RUVBL1: variants seen among roughly 807,000 people sequenced by gnomAD.
RUVBL1 encodes ruvB-like 1.
A neutral mutation model predicts 52.4 loss-of-function variants in RUVBL1; 4 were observed. The ratio of observed to expected loss-of-function variants is 0.08; its 90% CI spans 0.04 to 0.17. The LOEUF (loss-of-function observed/expected upper bound fraction) is 0.17, where lower values mean the gene tolerates loss of function less well. Among genes scored for constraint, RUVBL1 ranks in the 10% least tolerant of loss-of-function variants. The pLI, the probability that RUVBL1 is intolerant of heterozygous loss-of-function variation, is 1.00. For missense variants in RUVBL1, 298 were observed against 572.8 expected (o/e 0.52, Z 4.90); for synonymous variants, 217 against 214.4 (o/e 1.01, Z -0.10).
At chr3:128,104,367 C>G (rs911978282) in intron 4 of RUVBL1, among the ~76,000 whole-genome samples, 1 of 152,200 alleles carries the variant, frequency 6.6e-6, no homozygotes, top group Non-Finnish European at 1.5e-5. Flanking sequence ...TTATACAACT[C>G]TTATTTGATT....
At chr3:128,065,190 C>A in exon 10 of RUVBL1, 1 of 878,814 alleles carries the variant, frequency 1.1e-6, no homozygotes, top group Non-Finnish European at 1.9e-6. Context: ...TCCAGATGAG[C>A]TGGACAAGCA....
chr3:128,100,165 C>A (rs1459963516), intron 6 of RUVBL1, among the ~76,000 whole-genome samples: 1 of 152,238 alleles, frequency 6.6e-6, no homozygotes, highest in Non-Finnish European at 1.5e-5. Context: ...GAGAAGCAGA[C>A]AACAGTACCA....
chr3:128,087,802 A>C lies in RUVBL1; in HGVS notation c.1023T>G (p.Thr341=). 1 of 1,602,536 alleles carries C rather than the reference A, an allele frequency of 6.2e-7. No individual in the cohort carries two copies. The part of the protein sequence containing the change: ...SNRGNCVIRG[T]EDITSPHGIP... ...TGCCGTGAGGGGATGTGATGTCCTC[A>C]GTGCCTCTGTAAGGGGCAAAATTAA... Residue 341 remains threonine (T), a synonymous_variant, in exon 9 of 11, where the codon ACT becomes ACG. Coordinates refer to ENST00000322623, the MANE Select transcript of RUVBL1 (RefSeq NM_003707.3).
upstream of RUVBL1, among the ~76,000 whole-genome samples, chr3:128,125,079 A>G (rs1274317399): frequency 7.7e-6 from 1 of 129,292 alleles, no homozygotes; most frequent in Non-Finnish European, 1.6e-5. Context: ...CAGTGGCGCA[A>G]TCTCGGCTCA....
Position 128,066,992 on chromosome 3 carries a change from C to T in RUVBL1, c.940-1772G>A, listed in dbSNP as rs1303473497. 4 of 1,614,088 alleles carry T rather than the reference C, an allele frequency of 2.5e-6. No individual in the cohort carries two copies. Among genetic ancestry groups the T allele is most frequent in the Admixed American group, 3.3e-5 (2 of 60,006 alleles). On this transcript the variant is annotated intron_variant, in intron 9 of 9. Transcript: ENST00000464873. ...ACCTGCCAATCAAGTCGGCCCGCTA[C>T]CGTGGCCAGTACAACACCTATCCCA... is the stretch of plus-strand genomic sequence containing the variant.
At position 128,153,814 on chromosome 3, in the gene RUVBL1, A is replaced by G. The variant is rs1201012935; in HGVS notation, c.-651T>C. 4 of 1,512,450 alleles carry G rather than the reference A, an allele frequency of 2.6e-6. No individual in the cohort carries two copies. The South Asian group carries it at 4.9e-5, about 18-fold the overall frequency. 93.7% of individuals were successfully genotyped at this position (1,512,450 alleles called of 1,614,324 possible). ...CGGGCACGCCTCCCTCATCCGGACCATCATCGGCGGTGAGCGCGGGCCGGG... is the reference window on the plus strand; with the variant it reads ...CGGGCACGCCTCCCTCATCCGGACCGTCATCGGCGGTGAGCGCGGGCCGGG... On this transcript the variant is annotated 5_prime_UTR_variant, in exon 1 of 10. Coordinates refer to the RUVBL1 transcript ENST00000464873.
intron 3 of RUVBL1, among the ~76,000 whole-genome samples, chr3:128,107,795 C>A (rs1943280792): frequency 6.6e-6 from 1 of 152,192 alleles, no homozygotes; most frequent in African/African-American, 2.4e-5. Context: ...CTGGGAAAAT[C>A]CTGTACTTTT....
At chr3:128,152,575 G>A (rs1944237720) in intron 1 of RUVBL1, among the ~76,000 whole-genome samples, 1 of 152,128 alleles carries the variant, frequency 6.6e-6, no homozygotes, top group Non-Finnish European at 1.5e-5. Context: ...CCCCCTGAAT[G>A]TAATATTAGC....
At chr3:128,106,750 G>T (rs1479244437) in intron 3 of RUVBL1, among the ~76,000 whole-genome samples, 1 of 152,156 alleles carries the variant, frequency 6.6e-6, no homozygotes, top group Non-Finnish European at 1.5e-5. Flanking sequence ...TATGGTAATG[G>T]CCTGAGAACT....
intron 8 of RUVBL1, among the ~76,000 whole-genome samples, chr3:128,088,727 C>A (rs912018969): frequency 6.6e-6 from 1 of 151,770 alleles, no homozygotes; most frequent in Non-Finnish European, 1.5e-5. Context: ...CTCAGCCTCC[C>A]GAGTAGCTTG....
At chr3:128,086,452 G>A (rs960885789) in intron 9 of RUVBL1, among the ~76,000 whole-genome samples, 1 of 152,228 alleles carries the variant, frequency 6.6e-6, no homozygotes, top group African/African-American at 2.4e-5. Context: ...TCCAGGCAAA[G>A]CGCATCGAGA....
chr3:128,142,184 T>C (rs1467719039), intron 1 of RUVBL1, among the ~76,000 whole-genome samples: 2 of 152,224 alleles, frequency 1.3e-5, no homozygotes, highest in Non-Finnish European at 2.9e-5. Flanking sequence ...CCACATCCGC[T>C]GACTCCCAGA....
In RUVBL1 at chr3:128,140,228, G is replaced by GTTTTTTTTTTTTTTTTTTTTTT. The variant is rs372296453; in HGVS notation, c.-40+12974_-40+12975insAAAAAAAAAAAAAAAAAAAAAA. 3.7e-5 allele frequency among the ~76,000 whole-genome samples: 2 copies of GTTTTTTTTTTTTTTTTTTTTTT among 53,448 alleles called. 1 individual carries two copies. Among genetic ancestry groups the GTTTTTTTTTTTTTTTTTTTTTT allele is most frequent in the African/African-American group, 9.2e-5 (2 of 21,634 alleles). 35.1% of individuals were successfully genotyped at this position (53,448 alleles called of 152,430 possible). A position where few individuals can be genotyped will look rare whatever the true frequency, so the allele number is the denominator to read the frequency against. On this transcript the variant is annotated intron_variant, in intron 1 of 9. Coordinates refer to the RUVBL1 transcript ENST00000464873. ...TGATATGATACAAGTTTTTTTGTTT[G>GTTTTTTTTTTTTTTTTTTTTTT]TTTGTTTTTTTTTTTTTTGAGACGG...
chr3:128,116,049 C>G (rs1347730505), intron 2 of RUVBL1, among the ~76,000 whole-genome samples: 1 of 151,990 alleles, frequency 6.6e-6, no homozygotes, highest in Non-Finnish European at 1.5e-5. Context: ...ACCACCTGAA[C>G]CCAAGAGGTA....
chr3:128,112,071 T>C (rs750647163), intron 3 of RUVBL1, among the ~76,000 whole-genome samples: 8 of 152,232 alleles, frequency 5.3e-5, no homozygotes, highest in Non-Finnish European at 1.2e-4. Context: ...AGAAATAAGC[T>C]ATTTCTATAA....
chr3:128,135,587 T>C (rs1345430104), intron 1 of RUVBL1, among the ~76,000 whole-genome samples: 2 of 152,158 alleles, frequency 1.3e-5, no homozygotes, highest in African/African-American at 4.8e-5. Context: ...TATACTAGGA[T>C]AGCATACCCA....
Position 128,087,757 on chromosome 3 carries a change from G to A in RUVBL1, c.1068C>T (p.Asp356=). The A allele has an allele frequency of 6.2e-7, 1 of 1,614,038 alleles. No homozygotes were observed. Among genetic ancestry groups the A allele is most frequent in the African/African-American group, 1.3e-5 (1 of 75,024 alleles). Reference sequence around the variant, plus strand: ...GCATGGTCCGGATTATCATCACTCGGTCCAGAAGGTCAAGAGGGATGCCGT... The same window carrying A: ...GCATGGTCCGGATTATCATCACTCGATCCAGAAGGTCAAGAGGGATGCCGT... ...SPHGIPLDLL[D]RVMIIRTMLY... The change falls in exon 9 of 11, where the codon GAC becomes GAT. Residue 356 remains aspartate (D), a synonymous_variant. Transcript: ENST00000322623.
rs567035233 is a variant in RUVBL1, at chr3:128,111,287, CAGA to C, written c.361+1598_361+1600del. ...AGTCTACCCACTTCTCTCACTCACT[CAGA>C]AGAACTTTCCTGAGCACCCACTATG... On this transcript the variant is annotated intron_variant, in intron 3 of 10. Transcript: ENST00000322623. Among the ~76,000 whole-genome samples the C allele has an allele frequency of 2.0e-5, 3 of 151,488 alleles. No individual in the cohort carries two copies. In the East Asian group the frequency reaches 5.9e-4, roughly 30 times the overall value.
At chr3:128,115,439 T>C (rs539213173) in intron 2 of RUVBL1, among the ~76,000 whole-genome samples, 1 of 152,350 alleles carries the variant, frequency 6.6e-6, no homozygotes, top group East Asian at 1.9e-4. Flanking sequence ...ATATGAACCA[T>C]GCATTTGCAT....
Sources: allele counts gnomAD v4.1 joint callset (sites outside exome capture counted in the v4.1 genomes callset), GRCh38; gene constraint gnomAD v4.1.1; transcripts MANE v1.5; gene names NCBI Gene and HGNC (gene_info 2026-07-23, HGNC 2026-07-21).